The following MCTP1 variants were observed in gnomAD, a reference collection of about 807,000 sequenced individuals.
MCTP1 encodes multiple C2 and transmembrane domain containing 1, also known as multiple C2 and transmembrane domain-containing protein 1.
Under a neutral mutation model 120.6 loss-of-function variants are expected in MCTP1, and 69 were observed. That is an observed-to-expected ratio of 0.57 (90% CI 0.47 to 0.70). MCTP1 has a LOEUF of 0.70. MCTP1 is among the 30% of genes least tolerant of loss of function. The pLI is 0.00. For missense variants in MCTP1, 1,203 were observed against 1,248.8 expected (o/e 0.96, Z 0.55); for synonymous variants, 529 against 493.1 (o/e 1.07, Z -0.96).
chr5:95,249,643 G>T (rs977037309), intron 1 of MCTP1, among the ~76,000 whole-genome samples: 2 of 151,980 alleles, frequency 1.3e-5, no homozygotes, highest in African/African-American at 4.8e-5. Context: ...TTGACCCAGC[G>T]ATCACATTAC....
chr5:94,945,632 G>A (rs1045384400), intron 3 of MCTP1, among the ~76,000 whole-genome samples: 1 of 152,168 alleles, frequency 6.6e-6, no homozygotes, highest in Non-Finnish European at 1.5e-5. Flanking sequence ...CTTACATATG[G>A]GGTGGGGAGA....
At chr5:95,048,734 T>C (rs1433555902) in intron 1 of MCTP1, among the ~76,000 whole-genome samples, 1 of 152,166 alleles carries the variant, frequency 6.6e-6, no homozygotes, top group Non-Finnish European at 1.5e-5. Context: ...GAGAAGAATA[T>C]TTATTAAAAC....
intron 2 of MCTP1, among the ~76,000 whole-genome samples, chr5:94,963,700 T>C (rs1049213138): frequency 9.9e-5 from 15 of 152,264 alleles, no homozygotes; most frequent in South Asian, 2.1e-4. Context: ...GTTCCTTATA[T>C]AGTTTAGATG....
intron 19 of MCTP1, among the ~76,000 whole-genome samples, chr5:94,749,983 T>G (rs13156960): frequency 0.14 from 22,055 of 152,244 alleles, 1,844 homozygotes; most frequent in East Asian, 0.33. Flanking sequence ...CCCGAAAAAC[T>G]ATTACTTCAG....
intron 1 of MCTP1, among the ~76,000 whole-genome samples, chr5:95,037,532 T>A (rs879463025): frequency 1.3e-5 from 2 of 152,170 alleles, no homozygotes; most frequent in African/African-American, 4.8e-5. Flanking sequence ...TCTGTAGATG[T>A]GTAGTATATA....
intron 1 of MCTP1, among the ~76,000 whole-genome samples, chr5:95,052,006 A>G (rs1205093970): frequency 6.6e-6 from 1 of 152,192 alleles, no homozygotes; most frequent in Non-Finnish European, 1.5e-5. Flanking sequence ...CTATATGATA[A>G]ACCTGCCCAT....
chr5:94,810,661 CT>C (rs1394996068), intron 17 of MCTP1, among the ~76,000 whole-genome samples: 3 of 152,192 alleles, frequency 2.0e-5, no homozygotes, highest in South Asian at 4.1e-4. Context: ...ATGGTAATTC[CT>C]TTTTTATAGT....
At position 94,923,051 on chromosome 5, in the gene MCTP1, A is replaced by C. The variant is rs191179018; in HGVS notation, c.1272+911T>G. ...ATGTGCATTCGAGCTGGTAAGGATG[A>C]ATAAATGTGGCGTATACTTGCTCAC... On this transcript the variant is annotated intron_variant, in intron 7 of 22. Coordinates refer to ENST00000515393, the MANE Select transcript of MCTP1 (RefSeq NM_024717.7). Among the ~76,000 whole-genome samples the C allele has an allele frequency of 3.4e-3, 514 of 151,958 alleles. 4 individuals are homozygous for C. The highest frequency in any genetic ancestry group is 0.011 in the African/African-American group (471 of 41,428).
chr5:94,765,021 A>T (rs1772250956), intron 19 of MCTP1, among the ~76,000 whole-genome samples: 1 of 152,110 alleles, frequency 6.6e-6, no homozygotes, highest in African/African-American at 2.4e-5. Context: ...AACACATTTC[A>T]CAAGATCTGA....
chr5:94,940,416 A>G (rs1817304112), intron 4 of MCTP1, among the ~76,000 whole-genome samples: 1 of 150,766 alleles, frequency 6.6e-6, no homozygotes, highest in South Asian at 2.1e-4. Flanking sequence ...AAACCCATGA[A>G]GGTTCCAGAA....
intron 19 of MCTP1, among the ~76,000 whole-genome samples, chr5:94,746,513 G>A (rs6877393): frequency 0.24 from 36,878 of 152,080 alleles, 4,766 homozygotes; most frequent in African/African-American, 0.33. Context: ...TTGTGCATTA[G>A]CTACTACTCC....
intron 1 of MCTP1, among the ~76,000 whole-genome samples, chr5:95,160,762 A>G (rs1745638751): frequency 6.6e-6 from 1 of 152,152 alleles, no homozygotes; most frequent in Admixed American, 6.6e-5. Context: ...ATAGCAAGAA[A>G]ACAAATAACC....
Position 94,940,207 on chromosome 5 carries a change from A to T in MCTP1, c.1062-12T>A. 4 of 1,513,790 alleles carry T rather than the reference A, an allele frequency of 2.6e-6. No individual in the cohort carries two copies. The highest frequency in any genetic ancestry group is 3.6e-6 in the Non-Finnish European group (4 of 1,103,034). The allele number at this position is 1,513,790 out of a possible 1,614,324, so 93.8% of individuals were successfully genotyped here. A position where few individuals can be genotyped will look rare whatever the true frequency, so the allele number is the denominator to read the frequency against. ...TCACATCTGTGGGCCTGTGATAGAA[A>T]ATATTTAGATTTTGAACAGTCATTA... On this transcript the variant is annotated splice_polypyrimidine_tract_variant and intron_variant, in intron 4 of 22. Transcript: ENST00000515393.
intron 2 of MCTP1, among the ~76,000 whole-genome samples, chr5:94,972,083 A>C (rs1296826858): frequency 6.6e-6 from 1 of 151,902 alleles, no homozygotes; most frequent in African/African-American, 2.4e-5. Flanking sequence ...CTTCCTTCAA[A>C]CCCATCCTCT....
chr5:94,780,171 A>T (rs545041966), intron 18 of MCTP1, among the ~76,000 whole-genome samples: 1 of 151,956 alleles, frequency 6.6e-6, no homozygotes, highest in Non-Finnish European at 1.5e-5. Flanking sequence ...GTATCTCTGA[A>T]TAGACTCAAC....
chr5:95,071,872 T>C (rs1476944546), intron 1 of MCTP1, among the ~76,000 whole-genome samples: 3 of 152,284 alleles, frequency 2.0e-5, no homozygotes, highest in African/African-American at 7.2e-5. Context: ...AATCATATGC[T>C]AGAGGTGAGT....
intron 1 of MCTP1, among the ~76,000 whole-genome samples, chr5:95,134,058 T>C (rs547231751): frequency 6.6e-6 from 1 of 152,236 alleles, no homozygotes; most frequent in Non-Finnish European, 1.5e-5. Context: ...TCTTCTGAAT[T>C]GATTCTTGTT....
chr5:95,188,270 G>A (rs1749447014), intron 1 of MCTP1, among the ~76,000 whole-genome samples: 1 of 152,204 alleles, frequency 6.6e-6, no homozygotes, highest in Non-Finnish European at 1.5e-5. Context: ...AAATGCTGAT[G>A]ATGCTGAGAA....
intron 10 of MCTP1, among the ~76,000 whole-genome samples, chr5:94,903,752 C>T (rs994542690): frequency 1.3e-5 from 2 of 151,992 alleles, no homozygotes; most frequent in Non-Finnish European, 2.9e-5. Flanking sequence ...CAAATCAACG[C>T]CACTTTAAAG....
Sources: gnomAD v4.1 joint callset for allele counts (sites outside exome capture counted in the v4.1 genomes callset) on GRCh38, gnomAD v4.1.1 for gene constraint, MANE v1.5 for transcripts, NCBI Gene and HGNC (gene_info 2026-07-23, HGNC 2026-07-21) for gene names.